ETS1: variants seen among roughly 807,000 people sequenced by gnomAD.
ETS1 encodes protein C-ets-1.
A neutral mutation model predicts 58.6 loss-of-function variants in ETS1; 15 were observed. The ratio of observed to expected loss-of-function variants is 0.26; its 90% CI spans 0.17 to 0.39. The LOEUF (loss-of-function observed/expected upper bound fraction) is 0.39, where lower values mean the gene tolerates loss of function less well. ETS1 is among the 10% of genes least tolerant of loss of function. ETS1 has a pLI of 1.00. For synonymous variants in ETS1, 214 were observed against 218.2 expected (o/e 0.98, Z 0.17); for missense variants, 417 against 610.5 (o/e 0.68, Z 3.34).
Position 128,556,333 on chromosome 11 carries a change from C to G in ETS1, c.172G>C (p.Ala58Pro), listed in dbSNP as rs200879741. The change falls in exon 3 of 10, where the codon GCA becomes CCA. Residue 58 changes from alanine to proline, a missense_variant. This residue lies in a region of ETS1 where 90 missense variants were observed against 90.3 expected (regional missense o/e 1.00). Coordinates refer to ENST00000392668, the MANE Select transcript of ETS1 (RefSeq NM_001143820.2). ...AGACCAGTAGGAACTTCCTGAGTTG[C>G]CATCTCATCCCAAAAGGGGTAGCAA... ...RPCYPFWDEM[A>P]TQEVPTGLEH... 167 of 1,613,426 alleles carry G rather than the reference C, an allele frequency of 1.0e-4. No individual in the cohort carries two copies. The highest frequency in any genetic ancestry group is 8.2e-4 in the Middle Eastern group (5 of 6,082).
At chr11:128,476,670 G>A (rs112473246) in intron 8 of ETS1, among the ~76,000 whole-genome samples, 3,081 of 152,276 alleles carry the variant, frequency 0.02, 64 homozygotes, top group African/African-American at 0.046. Context: ...CTTGGAAAGC[G>A]TTTTGCTTAG....
chr11:128,504,212 A>G (rs1243105663), intron 3 of ETS1, among the ~76,000 whole-genome samples: 2 of 152,168 alleles, frequency 1.3e-5, no homozygotes, highest in Non-Finnish European at 2.9e-5. Context: ...GTTTGTGTAG[A>G]CCTACCTAAT....
intron 8 of ETS1, among the ~76,000 whole-genome samples, chr11:128,472,322 A>G (rs1016334176): frequency 3.3e-5 from 5 of 152,214 alleles, no homozygotes; most frequent in Non-Finnish European, 7.3e-5. Flanking sequence ...TTCACATTCA[A>G]TCACTCTAGG....
At chr11:128,484,288 G>A (rs531375534) in intron 7 of ETS1, among the ~76,000 whole-genome samples, 29 of 152,194 alleles carry the variant, frequency 1.9e-4, no homozygotes, top group African/African-American at 6.3e-4. Flanking sequence ...CAAATAAACC[G>A]TTGGTTAACC....
At chr11:128,534,977 G>A (rs1565400782) in intron 3 of ETS1, among the ~76,000 whole-genome samples, 1 of 152,150 alleles carries the variant, frequency 6.6e-6, no homozygotes, top group Non-Finnish European at 1.5e-5. Context: ...GGTATTTCTG[G>A]TTCTTGATCT....
chr11:128,536,218 T>C (rs550521352), intron 3 of ETS1, among the ~76,000 whole-genome samples: 1 of 152,334 alleles, frequency 6.6e-6, no homozygotes, highest in East Asian at 1.9e-4. Flanking sequence ...TTGGCATGTA[T>C]ACATGTATAC....
At chr11:128,562,834 C>T (rs753003997) in intron 2 of ETS1, among the ~76,000 whole-genome samples, 3 of 152,120 alleles carry the variant, frequency 2.0e-5, no homozygotes, top group Non-Finnish European at 4.4e-5. Context: ...TAGCCCATTC[C>T]CTCCTCCACT....
chr11:128,576,126 C>G (rs1222703098), intron 1 of ETS1, among the ~76,000 whole-genome samples: 1 of 152,166 alleles, frequency 6.6e-6, no homozygotes, highest in Non-Finnish European at 1.5e-5. Flanking sequence ...AGCCCTTTGC[C>G]CAGAGAGGAA....
At chr11:128,531,308 G>A (rs559997595) in intron 3 of ETS1, among the ~76,000 whole-genome samples, 1 of 152,348 alleles carries the variant, frequency 6.6e-6, no homozygotes, top group East Asian at 1.9e-4. Flanking sequence ...GAACTGAGAT[G>A]AGATGAGATG....
At chr11:128,583,029 A>C (rs571895775) in intron 1 of ETS1, among the ~76,000 whole-genome samples, 1 of 152,200 alleles carries the variant, frequency 6.6e-6, no homozygotes, top group East Asian at 1.9e-4. Context: ...TGTGCATATG[A>C]ATCACCCGGG....
At chr11:128,558,276 T>C (rs983207449) in intron 2 of ETS1, among the ~76,000 whole-genome samples, 1 of 152,192 alleles carries the variant, frequency 6.6e-6, no homozygotes, top group Admixed American at 6.5e-5. Context: ...CAATGGCAGA[T>C]TTGCCACCTA....
chr11:128,527,034 CAGG>C, intron 3 of ETS1: 1 of 451,724 alleles, frequency 2.2e-6, no homozygotes, highest in Non-Finnish European at 4.5e-6. Context: ...TTCACTTTGG[CAGG>C]AGAAGTACCA....
chr11:128,543,432 G>A (rs1313109985), intron 3 of ETS1, among the ~76,000 whole-genome samples: 1 of 152,072 alleles, frequency 6.6e-6, no homozygotes, highest in East Asian at 1.9e-4. Flanking sequence ...TGCCCATTCT[G>A]ACATAGACAT....
intron 3 of ETS1, among the ~76,000 whole-genome samples, chr11:128,514,496 C>T (rs1217830735): frequency 1.3e-5 from 2 of 152,150 alleles, no homozygotes; most frequent in African/African-American, 4.8e-5. Context: ...TAATCCTTTC[C>T]CTGTTCTTAC....
chr11:128,556,566 C>T lies in ETS1; in HGVS notation c.70-131G>A, dbSNP rs554527678. 1.5e-5 allele frequency: 8 copies of T among 543,798 alleles called. No individual in the cohort carries two copies. In the East Asian group the frequency reaches 2.6e-4, roughly 17 times the overall value. 33.7% of individuals were successfully genotyped at this position (543,798 alleles called of 1,614,324 possible). A position where few individuals can be genotyped will look rare whatever the true frequency, so the allele number is the denominator to read the frequency against. On this transcript the variant is annotated intron_variant, in intron 2 of 9. Transcript: ENST00000392668. ...ATCTATAGATGATGACAGAACAGAG[C>T]CAACTCTTGTTTTCTTCCCTTATCC... is the stretch of plus-strand genomic sequence containing the variant.
intron 3 of ETS1, among the ~76,000 whole-genome samples, chr11:128,552,920 A>C (rs1222464447): frequency 1.3e-5 from 2 of 152,232 alleles, no homozygotes; most frequent in African/African-American, 4.8e-5. Context: ...AGACAGGAGC[A>C]AGAAACTGAA....
intron 1 of ETS1, among the ~76,000 whole-genome samples, chr11:128,574,219 T>A (rs1357328067): frequency 6.6e-6 from 1 of 152,238 alleles, no homozygotes; most frequent in Non-Finnish European, 1.5e-5. Context: ...AAGCTACTAA[T>A]ATCATATGGT....
At chr11:128,547,138 G>C (rs1864145154) in intron 3 of ETS1, among the ~76,000 whole-genome samples, 1 of 152,214 alleles carries the variant, frequency 6.6e-6, no homozygotes, top group African/African-American at 2.4e-5. Flanking sequence ...GGACTGACCA[G>C]AGCAGGGAGA....
At chr11:128,473,972 T>G (rs1310771143) in intron 8 of ETS1, among the ~76,000 whole-genome samples, 2 of 152,208 alleles carry the variant, frequency 1.3e-5, no homozygotes, top group African/African-American at 4.8e-5. Flanking sequence ...TGGAAACATT[T>G]TGCTTCCTCC....
Sources: gnomAD v4.1 joint callset for allele counts (sites outside exome capture counted in the v4.1 genomes callset) on GRCh38, gnomAD v4.1.1 for gene constraint, gnomAD v4.1.1 regional missense constraint, MANE v1.5 for transcripts, NCBI Gene and HGNC (gene_info 2026-07-23, HGNC 2026-07-21) for gene names.